Variants in USP35 observed in about 807,000 individuals in gnomAD.
USP35 encodes the protein ubiquitin carboxyl-terminal hydrolase 35.
A neutral mutation model predicts 83.8 loss-of-function variants in USP35; 69 were observed. The ratio of observed to expected loss-of-function variants is 0.82; its 90% CI spans 0.68 to 1.01. The LOEUF (loss-of-function observed/expected upper bound fraction) is 1.01. USP35 is among the 50% of genes least tolerant of loss of function. The probability of loss-of-function intolerance (pLI) is 0.00; values close to 1 mark genes in which losing one functional copy is unlikely to be tolerated. For synonymous variants in USP35, 714 were observed against 589.5 expected, an observed-to-expected ratio of 1.21 and a Z score of -3.06; for missense variants, 1,503 against 1,362.5, an observed-to-expected ratio of 1.10 and a Z score of -1.62.
downstream of USP35, chr11:78,219,459 A>G (rs759477624): frequency 3.1e-6 from 5 of 1,593,216 alleles, no homozygotes; most frequent in East Asian, 1.1e-4. Flanking sequence ...GTGAGTTACC[A>G]GTTAGGTGGG....
the USP35 span, among the ~76,000 whole-genome samples, chr11:78,229,750 T>C: frequency 6.6e-6 from 1 of 152,210 alleles, no homozygotes; most frequent in Non-Finnish European, 1.5e-5. Flanking sequence ...CCTTTTCCAC[T>C]CTAGGATCCA....
rs866325242 is a variant in USP35, at chr11:78,198,208, C to A, written c.806+140C>A. 20 of 1,354,866 alleles carry A rather than the reference C, an allele frequency of 1.5e-5. 3 individuals are homozygous for A. In the Middle Eastern group the frequency reaches 4.0e-3, roughly 272 times the overall value. The allele number at this position is 1,354,866 out of a possible 1,614,324, so 83.9% of individuals were successfully genotyped here. A position where few individuals can be genotyped will look rare whatever the true frequency, so the allele number is the denominator to read the frequency against. ...CCCTCATGTGTGTTCCATCATCTATCCTTTCTTGAGCCCTGCTCTGTGCCT... is the reference window on the plus strand; with the variant it reads ...CCCTCATGTGTGTTCCATCATCTATACTTTCTTGAGCCCTGCTCTGTGCCT... On this transcript the variant is annotated intron_variant, in intron 3 of 10. Coordinates refer to ENST00000529308, the MANE Select transcript of USP35 (RefSeq NM_020798.4).
At chr11:78,203,351 G>C (rs911206484) in intron 6 of USP35, among the ~76,000 whole-genome samples, 10 of 152,230 alleles carry the variant, frequency 6.6e-5, no homozygotes, top group African/African-American at 2.4e-4. Context: ...TAATGTGTGA[G>C]GGGGAAGGGA....
chr11:78,226,744 G>A, the USP35 span: 1 of 1,614,084 alleles, frequency 6.2e-7, no homozygotes, highest in Non-Finnish European at 8.5e-7. Context: ...TTGTCTACCA[G>A]GAGGTCCCCG....
chr11:78,196,358 G>T lies in USP35; in HGVS notation c.113G>T (p.Cys38Phe), dbSNP rs781174258. The T allele has an allele frequency of 6.5e-7, 1 of 1,543,238 alleles. No individual in the cohort carries two copies. The highest frequency in any genetic ancestry group is 8.6e-7 in the Non-Finnish European group (1 of 1,157,530). ...CGGCAGCCGCTGGAGCGTGAGCAGT[G>T]CCTGGCGCTGCTGGCGCTGGGCGCG... ...AARQPLEREQ[C>F]LALLALGARL... Residue 38 changes from cysteine (C) to phenylalanine (F), a missense_variant, in exon 2 of 11, where the codon TGC (cysteine) becomes TTC (phenylalanine). Coordinates refer to ENST00000529308, the MANE Select transcript of USP35 (RefSeq NM_020798.4). The surrounding 1 kb of genome is among the most constrained non-coding windows in gnomAD (Gnocchi z 4.8).
chr11:78,207,842 A>G lies in USP35; in HGVS notation c.1485+219A>G, dbSNP rs537465357. On this transcript the variant is annotated intron_variant, in intron 8 of 10. Coordinates refer to ENST00000529308, the MANE Select transcript of USP35 (RefSeq NM_020798.4). ...GCCCTGTTCCGTGTTGTGCTGCCCA[A>G]TCTTTCCCTTTGGCAATTCAGTCCA... Among the ~76,000 whole-genome samples, 107 of 152,322 alleles carry G rather than the reference A, an allele frequency of 7.0e-4. No homozygotes were observed. In the South Asian group the frequency reaches 0.018, roughly 26 times the overall value.
rs56206317 is a variant in USP35, at chr11:78,209,732, T to C, written c.1877T>C (p.Leu626Ser). The C allele has an allele frequency of 6.2e-7, 1 of 1,613,910 alleles. No homozygotes were observed. The highest frequency in any genetic ancestry group is 1.7e-5 in the Admixed American group (1 of 60,012). The change falls in exon 10 of 11, where the codon TTG (leucine) becomes TCG (serine). Residue 626 changes from leucine to serine, a missense_variant. Transcript: ENST00000529308. ...RPTEDITARE[L>S]PPPTSAQGPG... ...ACAGAAGACATCACAGCCCGGGAGTTGCCCCCACCAACCAGTGCACAGGGG... is the reference window on the plus strand; with the variant it reads ...ACAGAAGACATCACAGCCCGGGAGTCGCCCCCACCAACCAGTGCACAGGGG...
the USP35 span, among the ~76,000 whole-genome samples, chr11:78,233,579 C>T: frequency 4.9e-4 from 75 of 152,172 alleles, no homozygotes; most frequent in African/African-American, 1.5e-3. Flanking sequence ...TAGATATGCG[C>T]GTTGAATATT....
chr11:78,214,380 G>GGGGC lies in USP35; in HGVS notation c.*570_*571insCGGG, dbSNP rs1555090248. On this transcript the variant is annotated 3_prime_UTR_variant, in exon 11 of 11. Coordinates refer to ENST00000529308, the MANE Select transcript of USP35 (RefSeq NM_020798.4). Reference sequence around the variant, plus strand: ...TACCAAGCGCCACTGCATGGTTTTGGGGGGGGGGGCGGGGGGCTAGCTTCT... The same window carrying GGGGC: ...TACCAAGCGCCACTGCATGGTTTTGGGGGCGGGGGGGGGCGGGGGGCTAGCTTCT... 2 of 127,870 alleles carry GGGGC rather than the reference G, an allele frequency of 1.6e-5. No individual in the cohort carries two copies. Among genetic ancestry groups the GGGGC allele is most frequent in the Non-Finnish European group, 1.8e-5 (1 of 56,664 alleles). The allele number at this position is 127,870 out of a possible 1,614,324, so 7.9% of individuals were successfully genotyped here. A position where few individuals can be genotyped will look rare whatever the true frequency, so the allele number is the denominator to read the frequency against.
rs1555088132 is a variant in USP35 at position 78,209,671 on chromosome 11, T to TGTC, written c.1818_1820dup (p.Arg610dup). The TGTC allele has an allele frequency of 1.2e-6, 2 of 1,613,968 alleles. No individual in the cohort carries two copies. The highest frequency in any genetic ancestry group is 2.2e-5 in the East Asian group (1 of 44,854). ...TCTCGCCTTCCCTCCTCCTGAGCGC[T>TGTC]GTCGCCGCCGCCGCCTGGGCTCTGT... is the stretch of plus-strand genomic sequence containing the variant. On this transcript the variant is annotated inframe_insertion, in exon 10 of 11. Coordinates refer to ENST00000529308, the MANE Select transcript of USP35 (RefSeq NM_020798.4).
At chr11:78,232,114 A>G in the USP35 span, among the ~76,000 whole-genome samples, 3 of 152,234 alleles carry the variant, frequency 2.0e-5, no homozygotes, top group Non-Finnish European at 4.4e-5. Context: ...TAAAAGTTGT[A>G]TATTTTGCCT....
chr11:78,195,793 T>A lies in USP35; in HGVS notation c.-10-443T>A, dbSNP rs1337605759. On this transcript the variant is annotated intron_variant, in intron 1 of 10. Transcript: ENST00000529308. ...TTGCTCAGGCTGGAGTGCAGTGGGA[T>A]GATCTCCACTCGCTGCAGCCTTGAA... is the stretch of plus-strand genomic sequence containing the variant. Among the ~76,000 whole-genome samples the A allele has an allele frequency of 2.0e-5, 3 of 152,138 alleles. No homozygotes were observed. The East Asian group carries it at 5.8e-4, about 29-fold the overall frequency.
chr11:78,191,641 T>C (rs866633668), intron 1 of USP35, among the ~76,000 whole-genome samples: 29 of 152,052 alleles, frequency 1.9e-4, no homozygotes, highest in African/African-American at 7.0e-4. Context: ...ACTGCACTAG[T>C]CCAGGCAAGA....
chr11:78,219,299 T>G, downstream of USP35: 2 of 1,613,510 alleles, frequency 1.2e-6, 1 homozygote, highest in Middle Eastern at 3.4e-4. Context: ...TGGAAGGCTC[T>G]GAGGACTGCC....
chr11:78,232,073 T>C, the USP35 span: 1 of 152,252 alleles, frequency 6.6e-6, no homozygotes, highest in African/African-American at 2.4e-5. Flanking sequence ...GGCAGGACTC[T>C]GGTTACAGAG....
chr11:78,233,378 G>C, the USP35 span, among the ~76,000 whole-genome samples: 1 of 152,162 alleles, frequency 6.6e-6, no homozygotes, highest in Non-Finnish European at 1.5e-5. Context: ...AGGTAAAGCA[G>C]AATCTCACTG....
intron 7 of USP35, 119 bp downstream of exon 7, chr11:78,206,154 C>T (rs928410907): frequency 3.9e-6 from 5 of 1,279,944 alleles, no homozygotes; most frequent in Non-Finnish European, 5.4e-6. Context: ...TTTGCATTGC[C>T]AGCATGATTC....
downstream of USP35, chr11:78,215,759 C>G (rs1425320489): frequency 6.9e-6 from 1 of 145,250 alleles, no homozygotes; most frequent in Non-Finnish European, 1.5e-5. Flanking sequence ...GGGCTAGTCC[C>G]AGAAAGACGA....
rs140353636 is a variant in USP35, at chr11:78,201,740, A to G, written c.1197+932A>G. 6.2e-3 allele frequency among the ~76,000 whole-genome samples: 949 copies of G among 152,306 alleles called. 8 individuals are homozygous for G. Among genetic ancestry groups the G allele is most frequent in the African/African-American group, 0.022 (898 of 41,554 alleles). On this transcript the variant is annotated intron_variant, in intron 6 of 10. Transcript: ENST00000529308. ...CTACAAAGATGATACGGTTCATTTC[A>G]ATCTCATAGATGAGGAAAAGGAGAC...
Sources: gnomAD v4.1 joint callset for allele counts (sites outside exome capture counted in the v4.1 genomes callset) on GRCh38, gnomAD v4.1.1 for gene constraint, Gnocchi (gnomAD v3.1) non-coding constraint, MANE v1.5 for transcripts, NCBI Gene and HGNC (gene_info 2026-07-23, HGNC 2026-07-21) for gene names.